TMEM266: variants seen among roughly 807,000 people sequenced by gnomAD.
TMEM266 encodes the protein transmembrane protein 266.
A neutral mutation model predicts 50.5 loss-of-function variants in TMEM266; 33 were observed. That is an observed-to-expected ratio of 0.65 (90% CI 0.50 to 0.87). TMEM266 has a LOEUF of 0.87. Ranked by LOEUF, TMEM266 falls within the 40% of genes least tolerant of loss-of-function variation. TMEM266 has a pLI of 0.00. For synonymous variants in TMEM266, 310 were observed against 292.3 expected (o/e 1.06, Z -0.62); for missense variants, 655 against 695.1 (o/e 0.94, Z 0.65).
chr15:76,065,887 G>A (rs184832426), intron 1 of TMEM266, among the ~76,000 whole-genome samples: 6 of 152,042 alleles, frequency 3.9e-5, no homozygotes, highest in Non-Finnish European at 7.4e-5. Flanking sequence ...TTTGTCCCGC[G>A]CACTCCCCAC....
At chr15:76,196,957 C>T (rs974628031) in intron 9 of TMEM266, among the ~76,000 whole-genome samples, 7 of 152,236 alleles carry the variant, frequency 4.6e-5, no homozygotes, top group African/African-American at 1.7e-4. Flanking sequence ...TTGAAGCTCG[C>T]CCATAACTTA....
chr15:76,117,756 AAGGAG>A (rs1171066275), intron 1 of TMEM266, among the ~76,000 whole-genome samples: 1 of 152,186 alleles, frequency 6.6e-6, no homozygotes, highest in African/African-American at 2.4e-5. Flanking sequence ...GGGTCAGCAG[AAGGAG>A]AGGAGACTGG....
At chr15:76,151,595 G>A (rs1414150442) in intron 3 of TMEM266, among the ~76,000 whole-genome samples, 1 of 152,080 alleles carries the variant, frequency 6.6e-6, no homozygotes, top group Non-Finnish European at 1.5e-5. Flanking sequence ...CACATAGCCT[G>A]CCTGCACTAT....
At chr15:76,181,740 T>A (rs1178273825) in intron 8 of TMEM266, among the ~76,000 whole-genome samples, 1 of 152,170 alleles carries the variant, frequency 6.6e-6, no homozygotes, top group Non-Finnish European at 1.5e-5. Context: ...AAAGCCATTT[T>A]AGATGCAGCA....
chr15:76,156,552 T>G, intron 3 of TMEM266, 52 bp from the exon 4 acceptor site: 1 of 1,597,790 alleles, frequency 6.3e-7, no homozygotes, highest in Non-Finnish European at 8.5e-7. Flanking sequence ...GGGTCCACCC[T>G]CTTGTCCCCT....
chr15:76,069,361 C>T (rs1336780971), intron 1 of TMEM266, among the ~76,000 whole-genome samples: 1 of 152,074 alleles, frequency 6.6e-6, no homozygotes, highest in Non-Finnish European at 1.5e-5. Context: ...CACCTCAAAG[C>T]GAGATGATTG....
chr15:76,070,455 A>C (rs896605146), intron 1 of TMEM266, among the ~76,000 whole-genome samples: 1 of 152,236 alleles, frequency 6.6e-6, no homozygotes, highest in African/African-American at 2.4e-5. Context: ...GGAGACAAGG[A>C]AGAAAGGAAT....
intron 1 of TMEM266, among the ~76,000 whole-genome samples, chr15:76,110,783 C>T (rs1427035813): frequency 6.6e-6 from 1 of 152,176 alleles, no homozygotes; most frequent in Admixed American, 6.6e-5. Flanking sequence ...ATTCCTAAAA[C>T]TCAACAATAA....
rs765850065 is a variant in TMEM266, at chr15:76,137,658, T to C, written c.39-49T>C. 21 of 1,559,188 alleles carry C rather than the reference T, an allele frequency of 1.3e-5. No homozygotes were observed. In the Admixed American group the frequency reaches 3.0e-4, roughly 22 times the overall value. Reference sequence around the variant, plus strand: ...TTTCCTTGAGGAATGGAAGAATTTTTTGGCCCTTGAAGATAACTCTTTCCC... The same window carrying C: ...TTTCCTTGAGGAATGGAAGAATTTTCTGGCCCTTGAAGATAACTCTTTCCC... On this transcript the variant is annotated intron_variant, in intron 2 of 10. Transcript: ENST00000388942.
At chr15:76,164,170 A>G (rs1181255599) in intron 5 of TMEM266, among the ~76,000 whole-genome samples, 8 of 152,066 alleles carry the variant, frequency 5.3e-5, no homozygotes. Flanking sequence ...GGCTTTTAGC[A>G]TGTTTTCTCG....
intron 4 of TMEM266, among the ~76,000 whole-genome samples, chr15:76,158,027 T>TAAATAAATAAAA (rs1181164831): frequency 6.5e-4 from 99 of 152,018 alleles, no homozygotes; most frequent in African/African-American, 2.1e-3. Flanking sequence ...AATAAATAAA[T>TAAATAAATAAAA]AGAGGTACAA....
At position 76,169,575 on chromosome 15, in the gene TMEM266, G is replaced by C. The variant is rs1350552415; in HGVS notation, c.457-241G>C. 3.3e-5 allele frequency among the ~76,000 whole-genome samples: 5 copies of C among 152,206 alleles called. No individual in the cohort carries two copies. The East Asian group carries it at 9.6e-4, about 29-fold the overall frequency. On this transcript the variant is annotated intron_variant, in intron 5 of 10. Transcript: ENST00000388942. Reference sequence around the variant, plus strand: ...AGCAGTGCCCAGGGGATGGCACAGAGATGTGGGGTCTGAGCCTGCAGGCAG... The same window carrying C: ...AGCAGTGCCCAGGGGATGGCACAGACATGTGGGGTCTGAGCCTGCAGGCAG...
rs368599050 is a variant in TMEM266, at chr15:76,156,621, C to T, written c.245C>T (p.Pro82Leu). ...CCCCACAGGTCTAACTGGCTGAAGC[C>T]GTGCTGTGGGAAGAGAGCAGCCGTG... The change falls in exon 4 of 11, where the codon CCG becomes CTG. Residue 82 changes from proline to leucine, a missense_variant. Physicochemically the swap from Pro to Leu is moderately conservative, Grantham distance 98. Around this residue, in one of 3 missense-constraint regions of TMEM266, gnomAD observed 99 missense variants for 110.8 expected, o/e 0.89. Transcript: ENST00000388942. The T allele has an allele frequency of 4.3e-5, 69 of 1,613,942 alleles. No individual in the cohort carries two copies. Among genetic ancestry groups the T allele is most frequent in the Non-Finnish European group, 5.5e-5 (65 of 1,180,022 alleles).
chr15:76,177,318 C>G (rs536019605), intron 8 of TMEM266, among the ~76,000 whole-genome samples: 4 of 152,346 alleles, frequency 2.6e-5, no homozygotes, highest in African/African-American at 9.6e-5. Flanking sequence ...TGTCGTGGGT[C>G]TTGGTAAATG....
Position 76,175,688 on chromosome 15 carries a change from A to G in TMEM266, c.768+14A>G, listed in dbSNP as rs753283518. On this transcript the variant is annotated intron_variant, in intron 8 of 10. Coordinates refer to ENST00000388942, the MANE Select transcript of TMEM266 (RefSeq NM_152335.3). The stretch of plus-strand genomic sequence containing the variant: ...CAGGAGCAAGGGGTAATGCACTGCC[A>G]CTTTCGGCTCTGTCCGTGGTCTTGC... 6.2e-7 allele frequency: 1 copy of G among 1,606,400 alleles called. No individual in the cohort carries two copies. Among genetic ancestry groups the G allele is most frequent in the Admixed American group, 1.7e-5 (1 of 59,976 alleles).
At chr15:76,151,040 A>T (rs2037835038) in intron 3 of TMEM266, among the ~76,000 whole-genome samples, 1 of 151,952 alleles carries the variant, frequency 6.6e-6, no homozygotes, top group African/African-American at 2.4e-5. Context: ...GCTTGTTGGT[A>T]TTTGCAGACT....
At chr15:76,158,895 G>A (rs1014628869) in intron 4 of TMEM266, among the ~76,000 whole-genome samples, 2 of 152,162 alleles carry the variant, frequency 1.3e-5, no homozygotes, top group Non-Finnish European at 2.9e-5. Flanking sequence ...CCCTGGCTAC[G>A]CTCTGTGACT....
intron 1 of TMEM266, among the ~76,000 whole-genome samples, chr15:76,069,919 T>C (rs2036510681): frequency 6.6e-6 from 1 of 152,208 alleles, no homozygotes; most frequent in African/African-American, 2.4e-5. Flanking sequence ...CATTCTCAGC[T>C]CAACTTTTAT....
At chr15:76,077,227 A>G (rs1251678321) in intron 1 of TMEM266, among the ~76,000 whole-genome samples, 1 of 152,004 alleles carries the variant, frequency 6.6e-6, no homozygotes, top group African/African-American at 2.4e-5. Context: ...TGGCCTCCCA[A>G]AGTTCGGGGA....
Sources: allele counts gnomAD v4.1 joint callset (sites outside exome capture counted in the v4.1 genomes callset), GRCh38; gene constraint gnomAD v4.1.1; regional missense constraint gnomAD v4.1.1; transcripts MANE v1.5; gene names NCBI Gene and HGNC (gene_info 2026-07-23, HGNC 2026-07-21).